Variants in METTL15 observed in about 807,000 individuals in gnomAD.
METTL15 encodes 12S rRNA N(4)-cytidine methyltransferase METTL15.
A neutral mutation model predicts 38.3 loss-of-function variants in METTL15; 34 were observed. The observed-to-expected ratio is 0.89, with a 90% CI of 0.68 to 1.18. The LOEUF (loss-of-function observed/expected upper bound fraction) is 1.18. METTL15 is among the 50% of genes most tolerant of loss of function. The pLI, the probability that METTL15 is intolerant of heterozygous loss-of-function variation, is 0.00. For missense variants in METTL15, 438 were observed against 498.4 expected (o/e 0.88, Z 1.15); for synonymous variants, 162 against 170.9 (o/e 0.95, Z 0.41).
chr11:28,414,675 G>A (rs926765054), intron 5 of METTL15, among the ~76,000 whole-genome samples: 2 of 152,120 alleles, frequency 1.3e-5, no homozygotes, highest in Admixed American at 1.3e-4. Flanking sequence ...GAACTTCACA[G>A]AACTATTTGG....
chr11:28,382,224 C>T (rs945822490), intron 5 of METTL15, among the ~76,000 whole-genome samples: 19 of 152,164 alleles, frequency 1.2e-4, no homozygotes, highest in Admixed American at 1.1e-3. Context: ...AAACCACTTA[C>T]AGTGTGGTGC....
chr11:28,366,636 A>G (rs1184262495), intron 5 of METTL15, among the ~76,000 whole-genome samples: 1 of 152,192 alleles, frequency 6.6e-6, no homozygotes, highest in Admixed American at 6.5e-5. Context: ...TTCAAAGACT[A>G]AAAAACATGG....
intron 5 of METTL15, among the ~76,000 whole-genome samples, chr11:28,418,189 C>T (rs996741442): frequency 1.3e-5 from 2 of 152,164 alleles, no homozygotes; most frequent in African/African-American, 4.8e-5. Flanking sequence ...GACCTGCTGC[C>T]TCTGGGATTC....
At chr11:28,112,102 G>A (rs1851743742) in intron 2 of METTL15, among the ~76,000 whole-genome samples, 2 of 152,150 alleles carry the variant, frequency 1.3e-5, no homozygotes, top group Non-Finnish European at 2.9e-5. Context: ...TTTATTACGT[G>A]TGATCAGCTT....
chr11:28,116,786 T>G (rs1336385066), intron 3 of METTL15, among the ~76,000 whole-genome samples: 2 of 152,088 alleles, frequency 1.3e-5, no homozygotes, highest in African/African-American at 2.4e-5. Flanking sequence ...TTTTAATTGT[T>G]CTAGAGAGAG....
At chr11:28,282,121 T>C (rs1856077510) in intron 4 of METTL15, among the ~76,000 whole-genome samples, 1 of 152,214 alleles carries the variant, frequency 6.6e-6, no homozygotes, top group Non-Finnish European at 1.5e-5. Context: ...ACTAGGTCTA[T>C]ATACACATTA....
At chr11:28,181,238 T>C (rs566277189) in intron 3 of METTL15, among the ~76,000 whole-genome samples, 19 of 148,884 alleles carry the variant, frequency 1.3e-4, no homozygotes, top group African/African-American at 4.4e-4. Context: ...ATAACACGTT[T>C]ATTTATTTAT....
intron 3 of METTL15, among the ~76,000 whole-genome samples, chr11:28,121,734 T>C (rs113560014): frequency 6.6e-6 from 1 of 152,108 alleles, no homozygotes; most frequent in South Asian, 2.1e-4. Flanking sequence ...GGTTCTATAT[T>C]GAAGATTTTT....
At chr11:28,412,214 C>T (rs1424998603) in intron 5 of METTL15, among the ~76,000 whole-genome samples, 3 of 151,802 alleles carry the variant, frequency 2.0e-5, no homozygotes, top group Middle Eastern at 3.2e-3. Context: ...AATAAAACTA[C>T]CTTATGACTC....
At chr11:28,416,988 A>G (rs188151402) in intron 5 of METTL15, among the ~76,000 whole-genome samples, 6 of 152,340 alleles carry the variant, frequency 3.9e-5, no homozygotes, top group African/African-American at 1.4e-4. Context: ...AACAACTTGG[A>G]TACTACTGCT....
At chr11:28,486,069 G>A (rs544063433) in intron 6 of METTL15, among the ~76,000 whole-genome samples, 3 of 152,246 alleles carry the variant, frequency 2.0e-5, no homozygotes, top group East Asian at 3.9e-4. Flanking sequence ...ATGAATTCTG[G>A]GGAGACACAA....
At chr11:28,396,596 C>T (rs1462819343) in intron 5 of METTL15, among the ~76,000 whole-genome samples, 6 of 151,846 alleles carry the variant, frequency 4.0e-5, no homozygotes, top group Admixed American at 2.6e-4. Flanking sequence ...AAAGAGGACA[C>T]AAAAAAATGG....
intron 3 of METTL15, among the ~76,000 whole-genome samples, chr11:28,172,252 G>A (rs1314527564): frequency 6.6e-6 from 1 of 151,984 alleles, no homozygotes; most frequent in Non-Finnish European, 1.5e-5. Flanking sequence ...ATGAACTGGA[G>A]CTGATCTATA....
intron 6 of METTL15, among the ~76,000 whole-genome samples, chr11:28,462,479 T>TACACACACAC (rs10573384): frequency 7.5e-5 from 11 of 146,432 alleles, no homozygotes; most frequent in African/African-American, 1.5e-4. Flanking sequence ...CATACACGCT[T>TACACACACAC]ACACACACAC....
chr11:28,197,678 C>T lies in METTL15; in HGVS notation c.271-13384C>T, dbSNP rs993434912. On this transcript the variant is annotated intron_variant, in intron 3 of 6. Coordinates refer to ENST00000407364, the MANE Select transcript of METTL15 (RefSeq NM_001113528.2). ...ATATGTAAGTTTCTATTTCTCCCTG[C>T]AATATGCACATATGTGCATATATGT... 3 of 282,646 alleles carry T rather than the reference C, an allele frequency of 1.1e-5. No individual in the cohort carries two copies. In the South Asian group the frequency reaches 1.1e-4, roughly 10 times the overall value. The allele number at this position is 282,646 out of a possible 1,614,324, so 17.5% of individuals were successfully genotyped here. A position where few individuals can be genotyped will look rare whatever the true frequency, so the allele number is the denominator to read the frequency against.
chr11:28,353,235 C>A (rs1209149522), intron 4 of METTL15, among the ~76,000 whole-genome samples: 1 of 152,042 alleles, frequency 6.6e-6, no homozygotes, highest in Non-Finnish European at 1.5e-5. Context: ...GCAAAAGGCT[C>A]AAAAAGTTGA....
chr11:28,120,070 G>A (rs1183593274), intron 3 of METTL15, among the ~76,000 whole-genome samples: 1 of 152,056 alleles, frequency 6.6e-6, no homozygotes, highest in Non-Finnish European at 1.5e-5. Context: ...TCCTGCCTCA[G>A]CCTCCTGAGT....
chr11:28,268,313 A>G (rs1431340859), intron 4 of METTL15, among the ~76,000 whole-genome samples: 7 of 151,892 alleles, frequency 4.6e-5, no homozygotes, highest in Non-Finnish European at 1.0e-4. Context: ...ATTCATCAGT[A>G]ACTTAAATAT....
chr11:28,451,590 A>G (rs937724531), intron 6 of METTL15, among the ~76,000 whole-genome samples: 9 of 152,188 alleles, frequency 5.9e-5, no homozygotes, highest in African/African-American at 2.2e-4. Context: ...GTCTCAAAAA[A>G]AAAAGAAAAA....
Sources: gnomAD v4.1 joint callset for allele counts (sites outside exome capture counted in the v4.1 genomes callset) on GRCh38, gnomAD v4.1.1 for gene constraint, MANE v1.5 for transcripts, NCBI Gene and HGNC (gene_info 2026-07-23, HGNC 2026-07-21) for gene names.